The following PRKCI variants were observed in gnomAD, a reference collection of about 807,000 sequenced individuals.
PRKCI encodes protein kinase C iota type.
A neutral mutation model predicts 84.0 loss-of-function variants in PRKCI; 43 were observed. That is an observed-to-expected ratio of 0.51 (90% CI 0.40 to 0.66). PRKCI has a LOEUF of 0.66. PRKCI is among the 30% of genes least tolerant of loss of function. The pLI is 0.00. For synonymous variants in PRKCI, 216 were observed against 234.4 expected (o/e 0.92, Z 0.72); for missense variants, 459 against 745.6 (o/e 0.62, Z 4.48).
chr3:170,305,953 C>A lies in PRKCI; in HGVS notation c.*2826C>A, dbSNP rs1423126565. 1 of 134,928 alleles carries A rather than the reference C, an allele frequency of 7.4e-6. No individual in the cohort carries two copies. Among genetic ancestry groups the A allele is most frequent in the African/African-American group, 2.8e-5 (1 of 35,978 alleles). 8.4% of individuals were successfully genotyped at this position (134,928 alleles called of 1,614,324 possible). A position where few individuals can be genotyped will look rare whatever the true frequency, so the allele number is the denominator to read the frequency against. On this transcript the variant is annotated 3_prime_UTR_variant, in exon 18 of 18. Transcript: ENST00000295797. Reference sequence around the variant, plus strand: ...TTTTTTTTTTTTTTTACTTTGAAGTCTTTAAATAAAATGTATAATACCCAT... The same window carrying A: ...TTTTTTTTTTTTTTTACTTTGAAGTATTTAAATAAAATGTATAATACCCAT...
chr3:170,253,680 A>C (rs1733509139), intron 2 of PRKCI, among the ~76,000 whole-genome samples: 2 of 152,070 alleles, frequency 1.3e-5, no homozygotes, highest in Admixed American at 1.3e-4. Context: ...AGTCCCAGCT[A>C]CTCAGGAGGC....
chr3:170,287,375 A>G (rs1441625247), intron 12 of PRKCI, among the ~76,000 whole-genome samples: 1 of 151,852 alleles, frequency 6.6e-6, no homozygotes, highest in Non-Finnish European at 1.5e-5. Flanking sequence ...ATATGTATAT[A>G]CATAATGCTT....
At chr3:170,281,401 A>G in intron 10 of PRKCI, 138 bp downstream of exon 10, 1 of 645,164 alleles carries the variant, frequency 1.5e-6, no homozygotes, top group Non-Finnish European at 2.7e-6. Flanking sequence ...CTTCCTGCTA[A>G]TAATACTGCC....
Position 170,284,629 on chromosome 3 carries a change from C to G in PRKCI, c.1203+33C>G. The G allele has an allele frequency of 1.9e-6, 3 of 1,588,004 alleles. No individual in the cohort carries two copies. Among genetic ancestry groups the G allele is most frequent in the Non-Finnish European group, 1.7e-6 (2 of 1,168,122 alleles). ...AAATTTTCTAGTTATTTTAAAAGGTCTTCAGCAGCTAGTAGTCTTTGTAAA... is the reference window on the plus strand; with the variant it reads ...AAATTTTCTAGTTATTTTAAAAGGTGTTCAGCAGCTAGTAGTCTTTGTAAA... On this transcript the variant is annotated intron_variant, in intron 12 of 17. Coordinates refer to ENST00000295797, the MANE Select transcript of PRKCI (RefSeq NM_002740.6).
In PRKCI at chr3:170,222,471, C is replaced by G. The variant is rs370911690; in HGVS notation, c.-199C>G. 2.1e-4 allele frequency: 99 copies of G among 468,794 alleles called. 2 individuals are homozygous for G. Among genetic ancestry groups the G allele is most frequent in the East Asian group, 1.5e-3 (41 of 28,010 alleles). The allele number at this position is 468,794 out of a possible 1,614,324, so 29.0% of individuals were successfully genotyped here. A position where few individuals can be genotyped will look rare whatever the true frequency, so the allele number is the denominator to read the frequency against. On this transcript the variant is annotated 5_prime_UTR_variant, in exon 1 of 18. Coordinates refer to ENST00000295797, the MANE Select transcript of PRKCI (RefSeq NM_002740.6). ...CGGGCGGCTGTAGAGGCGGCGGCGC[C>G]TACGGGCAGTGGGAGGAGCCGCGCG...
chr3:170,241,017 T>C (rs1477591094), intron 2 of PRKCI, among the ~76,000 whole-genome samples: 1 of 152,214 alleles, frequency 6.6e-6, no homozygotes, highest in Non-Finnish European at 1.5e-5. Context: ...GTGACTTTAT[T>C]TTTTTAACAA....
At chr3:170,302,988 G>T (rs1734858161) in intron 17 of PRKCI, 52 bp from the exon 18 acceptor site, 3 of 1,289,534 alleles carry the variant, frequency 2.3e-6, no homozygotes, top group Non-Finnish European at 3.3e-6. Context: ...ACCATTTAAA[G>T]GTTGAAGAAA....
chr3:170,260,056 A>G lies in PRKCI; in HGVS notation c.311A>G (p.His104Arg). 2 of 1,594,592 alleles carry G rather than the reference A, an allele frequency of 1.3e-6. No homozygotes were observed. The highest frequency in any genetic ancestry group is 1.7e-6 in the Non-Finnish European group (2 of 1,164,898). ...ELNKDSELLI[H>R]VFPCVPERPG... ...AACAAGGATTCTGAACTCTTGATTC[A>G]TGGTAAGAGAGTAGTCATTTCATAC... Residue 104 changes from histidine to arginine, a missense_variant and splice_region_variant, in exon 3 of 18, where the codon CAT becomes CGT. By Grantham distance (29) the His-to-Arg change is conservative. This residue lies in a region of PRKCI where 250 missense variants were observed against 319.7 expected (regional missense o/e 0.78). Transcript: ENST00000295797.
At chr3:170,249,113 G>A (rs1038469650) in intron 2 of PRKCI, among the ~76,000 whole-genome samples, 4 of 152,046 alleles carry the variant, frequency 2.6e-5, no homozygotes, top group African/African-American at 4.8e-5. Context: ...CTCCCAAAGC[G>A]CTGGGATTAC....
intron 6 of PRKCI, among the ~76,000 whole-genome samples, chr3:170,272,774 C>G (rs555428317): frequency 2.0e-5 from 3 of 152,074 alleles, no homozygotes; most frequent in African/African-American, 7.2e-5. Flanking sequence ...TGAGATTATT[C>G]GCCATTATTT....
intron 1 of PRKCI, among the ~76,000 whole-genome samples, chr3:170,223,010 G>T (rs2108831427): frequency 6.6e-6 from 1 of 152,262 alleles, no homozygotes; most frequent in East Asian, 1.9e-4. Flanking sequence ...AGTAGGGTCC[G>T]AGAAGGAAGC....
intron 12 of PRKCI, among the ~76,000 whole-genome samples, chr3:170,285,380 A>G (rs999535440): frequency 6.6e-6 from 1 of 151,386 alleles, no homozygotes; most frequent in African/African-American, 2.5e-5. Flanking sequence ...CGCCTGGCCT[A>G]TTTCTTGATG....
At chr3:170,239,655 C>T (rs188052108) in intron 2 of PRKCI, among the ~76,000 whole-genome samples, 1 of 152,168 alleles carries the variant, frequency 6.6e-6, no homozygotes, top group East Asian at 1.9e-4. Flanking sequence ...CAGGTTTTAA[C>T]TCAAATGTCA....
intron 6 of PRKCI, among the ~76,000 whole-genome samples, chr3:170,271,830 G>C (rs1477607033): frequency 6.6e-6 from 1 of 151,968 alleles, no homozygotes; most frequent in Non-Finnish European, 1.5e-5. Context: ...GTGCTTGCCT[G>C]TGTCTTTTTT....
At chr3:170,270,921 G>C (rs1366949849) in intron 6 of PRKCI, among the ~76,000 whole-genome samples, 1 of 151,896 alleles carries the variant, frequency 6.6e-6, no homozygotes, top group Non-Finnish European at 1.5e-5. Flanking sequence ...GCAGATATCA[G>C]GTAAGAAGAG....
intron 16 of PRKCI, among the ~76,000 whole-genome samples, chr3:170,297,922 C>A (rs1734725719): frequency 2.0e-5 from 3 of 151,966 alleles, no homozygotes; most frequent in African/African-American, 7.3e-5. Flanking sequence ...GTCACCCAGG[C>A]TGGAGTGCAG....
chr3:170,234,134 C>T (rs1263527897), intron 1 of PRKCI, among the ~76,000 whole-genome samples: 1 of 147,370 alleles, frequency 6.8e-6, no homozygotes, highest in Non-Finnish European at 1.5e-5. Context: ...CGGGTTCAAG[C>T]GATTCTTCTG....
At chr3:170,275,705 T>A (rs1179820343) in intron 8 of PRKCI, among the ~76,000 whole-genome samples, 2 of 151,976 alleles carry the variant, frequency 1.3e-5, no homozygotes, top group African/African-American at 4.8e-5. Context: ...AAACAAATAA[T>A]TAAAATGATT....
intron 9 of PRKCI, 49 bp downstream of exon 9, chr3:170,280,452 CT>C (rs745335370): frequency 0.072 from 73,296 of 1,018,636 alleles, no homozygotes; most frequent in South Asian, 0.1. Context: ...GAATACTATT[CT>C]TTTTTTTTTT....
Sources: allele counts gnomAD v4.1 joint callset (sites outside exome capture counted in the v4.1 genomes callset), GRCh38; gene constraint gnomAD v4.1.1; regional missense constraint gnomAD v4.1.1; transcripts MANE v1.5; gene names NCBI Gene and HGNC (gene_info 2026-07-23, HGNC 2026-07-21).